RABL6: variants seen among roughly 807,000 people sequenced by gnomAD.
The protein encoded by RABL6 is rab-like protein 6.
RABL6 carries 28 observed loss-of-function variants against 72.9 expected under a neutral mutation model. The ratio of observed to expected loss-of-function variants is 0.38; its 90% CI spans 0.28 to 0.53. RABL6 has a LOEUF of 0.53. RABL6 is among the 20% of genes least tolerant of loss of function. The pLI is 0.80. For synonymous variants in RABL6, 477 were observed against 421.2 expected (o/e 1.13, Z -1.62); for missense variants, 1,029 against 1,008.4 (o/e 1.02, Z -0.28).
chr9:136,833,919 C>G (rs757522707), intron 7 of RABL6: 7 of 1,550,096 alleles, frequency 4.5e-6, no homozygotes, highest in Non-Finnish European at 6.1e-6. Flanking sequence ...GTTGATTACT[C>G]CTTAGAGAGC....
chr9:136,821,106 A>G lies in RABL6; in HGVS notation c.131-2419A>G, dbSNP rs138142741. Among the ~76,000 whole-genome samples the G allele has an allele frequency of 2.6e-3, 393 of 152,340 alleles. 1 individual carries two copies. The highest frequency in any genetic ancestry group is 5.0e-3 in the Non-Finnish European group (339 of 68,030). Reference sequence around the variant, plus strand: ...ATGAGGGCTGGTTTCCGGCAGTGGCATTGGGAGGCTTTGTTAACATTGGTT... The same window carrying G: ...ATGAGGGCTGGTTTCCGGCAGTGGCGTTGGGAGGCTTTGTTAACATTGGTT... On this transcript the variant is annotated intron_variant, in intron 1 of 14. Transcript: ENST00000311502.
intron 1 of RABL6, chr9:136,821,810 G>C (rs1026211527): frequency 1.7e-6 from 2 of 1,181,234 alleles, no homozygotes; most frequent in African/African-American, 3.4e-5. Flanking sequence ...GAGAGGGAGG[G>C]GAACGAGGGC....
At position 136,808,269 on chromosome 9, in the gene RABL6, C is replaced by T. The variant is rs769382408; in HGVS notation, c.73C>T (p.Leu25=). 151 of 1,566,710 alleles carry T rather than the reference C, an allele frequency of 9.6e-5. 1 individual carries two copies. Among genetic ancestry groups the T allele is most frequent in the Non-Finnish European group, 1.2e-4 (144 of 1,157,712 alleles). ...PGRDKNIPAG[L]QSMNQALQRR... ...CCGGGACAAGAACATCCCCGCCGGGCTGCAGTCCATGAACCAGGCGTTGCA... is the reference window on the plus strand; with the variant it reads ...CCGGGACAAGAACATCCCCGCCGGGTTGCAGTCCATGAACCAGGCGTTGCA... Residue 25 remains leucine, a synonymous_variant, in exon 1 of 15, where the codon CTG becomes TTG. Coordinates refer to ENST00000311502, the MANE Select transcript of RABL6 (RefSeq NM_024718.5).
rs375714213 is a variant in RABL6, at chr9:136,831,870, G to A, written c.599+9G>A. The A allele has an allele frequency of 3.9e-5, 63 of 1,604,122 alleles. No homozygotes were observed. Among genetic ancestry groups the A allele is most frequent in the African/African-American group, 1.7e-4 (13 of 74,790 alleles). ...ATCGACAACCTGGACAGGTGGGTGC[G>A]GTGGCCCTGCTCCCGAGGGACCCTG... On this transcript the variant is annotated intron_variant, in intron 6 of 14. Coordinates refer to ENST00000311502, the MANE Select transcript of RABL6 (RefSeq NM_024718.5).
chr9:136,834,733 C>T (rs1231898257), intron 7 of RABL6, among the ~76,000 whole-genome samples: 2 of 152,062 alleles, frequency 1.3e-5, no homozygotes, highest in Admixed American at 6.5e-5. Context: ...CGCCTTGGCC[C>T]CCCCAAAGTG....
At chr9:136,835,678 G>A (rs1317771131) in intron 7 of RABL6, 64 bp from the exon 8 acceptor site, 33 of 1,445,428 alleles carry the variant, frequency 2.3e-5, no homozygotes, top group Non-Finnish European at 2.9e-5. Context: ...TTCAGGGGCT[G>A]TGGGGCTGGG....
intron 1 of RABL6, among the ~76,000 whole-genome samples, chr9:136,817,121 T>G (rs1187605556): frequency 6.6e-6 from 1 of 152,112 alleles, no homozygotes; most frequent in Non-Finnish European, 1.5e-5. Flanking sequence ...AACATAGTCA[T>G]TAACGTTAAA....
At position 136,831,845 on chromosome 9, in the gene RABL6, A is replaced by G. The variant is rs1848482234; in HGVS notation, c.583A>G (p.Ile195Val). Residue 195 changes from isoleucine to valine, a missense_variant, in exon 6 of 15, where the codon ATC becomes GTC. By Grantham distance (29) the Ile-to-Val change is conservative. Coordinates refer to ENST00000311502, the MANE Select transcript of RABL6 (RefSeq NM_024718.5). Reference sequence around the variant, plus strand: ...CCTGCCGGACGACGTGCGTGACTTCATCGACAACCTGGACAGGTGGGTGCG... The same window carrying G: ...CCTGCCGGACGACGTGCGTGACTTCGTCGACAACCTGGACAGGTGGGTGCG... ...VILPDDVRDF[I>V]DNLDRPPGSS... The G allele has an allele frequency of 1.9e-6, 3 of 1,612,054 alleles. No individual in the cohort carries two copies. Among genetic ancestry groups the G allele is most frequent in the Non-Finnish European group, 2.5e-6 (3 of 1,179,184 alleles).
intron 1 of RABL6, chr9:136,822,057 G>C: frequency 2.3e-6 from 3 of 1,289,596 alleles, no homozygotes; most frequent in Non-Finnish European, 3.0e-6. Flanking sequence ...GTGGGAACAG[G>C]TGCCTTGAGG....
intron 5 of RABL6, chr9:136,830,947 C>G (rs556997217): frequency 6.5e-6 from 1 of 154,744 alleles, no homozygotes; most frequent in South Asian, 2.0e-4. Context: ...TTCACAGCCA[C>G]GAGAGGCAGG....
In RABL6 at chr9:136,837,966, A is replaced by C; in HGVS notation, c.1231A>C (p.Arg411=). The change falls in exon 10 of 15, where the codon AGG becomes CGG. Residue 411 remains arginine (R), a synonymous_variant. Coordinates refer to ENST00000311502, the MANE Select transcript of RABL6 (RefSeq NM_024718.5). ...CTTCCTGGAAGACACAACCCCCGCC[A>C]GGGACGAGAAGAAGGTGGGGGCCAA... ...RSFLEDTTPA[R]DEKKVGAKAA... 1.9e-6 allele frequency: 3 copies of C among 1,568,884 alleles called. No individual in the cohort carries two copies. The highest frequency in any genetic ancestry group is 2.6e-6 in the Non-Finnish European group (3 of 1,157,808).
In RABL6 at chr9:136,839,221, G is replaced by A. The variant is rs753546599; in HGVS notation, c.1494-1G>A. ...GACTGACCCTCTGCTTGTCCACAAA[G>A]GTCCTCCATACCAGCTTCGAAGCCA... On this transcript the variant is annotated splice_acceptor_variant, in intron 11 of 14. Coordinates refer to ENST00000311502, the MANE Select transcript of RABL6 (RefSeq NM_024718.5). LOFTEE classifies it high-confidence loss of function. 1 of 1,597,082 alleles carries A rather than the reference G, an allele frequency of 6.3e-7. No individual in the cohort carries two copies. Among genetic ancestry groups the A allele is most frequent in the South Asian group, 1.1e-5 (1 of 89,522 alleles).
At chr9:136,822,176 T>G in intron 1 of RABL6, 1 of 1,057,504 alleles carries the variant, frequency 9.5e-7, no homozygotes, top group South Asian at 1.6e-5. Flanking sequence ...GAGCTTGGGG[T>G]CCCCCTGACA....
At position 136,840,430 on chromosome 9, in the gene RABL6, G is replaced by C. The variant is rs963990628; in HGVS notation, c.2098G>C (p.Glu700Gln). ...RRQQRPPRSR[E>Q]RTAADELEAF... ...GCAGCAGCGGCCCCCGCGCAGCAGG[G>C]AGAGGACGGCTGCCGATGAGCTGGA... Residue 700 changes from glutamate (E) to glutamine (Q), a missense_variant, in exon 15 of 15, where the codon GAG (glutamate) becomes CAG (glutamine). Around this residue, in one of 2 missense-constraint regions of RABL6, gnomAD observed 595 missense variants for 472.4 expected, o/e 1.26. Transcript: ENST00000311502. The C allele has an allele frequency of 1.5e-5, 23 of 1,549,142 alleles. No individual in the cohort carries two copies. Among genetic ancestry groups the C allele is most frequent in the Non-Finnish European group, 1.9e-5 (22 of 1,146,622 alleles).
chr9:136,811,943 A>G (rs1005869205), intron 1 of RABL6, among the ~76,000 whole-genome samples: 5 of 152,226 alleles, frequency 3.3e-5, no homozygotes, highest in African/African-American at 1.2e-4. Context: ...TGAAATTTGG[A>G]TGGCCCTGGC....
At chr9:136,835,496 C>T in intron 7 of RABL6, 1 of 467,878 alleles carries the variant, frequency 2.1e-6, no homozygotes, top group Non-Finnish European at 3.8e-6. Context: ...CTGTGACTGA[C>T]AGCTGTCCCC....
rs111320634 is a variant in RABL6, at chr9:136,825,688, C to T, written c.266-91C>T. 4,082 of 1,395,742 alleles carry T rather than the reference C, an allele frequency of 2.9e-3. 108 individuals carry two copies. The African/African-American group carries it at 0.052, about 18-fold the overall frequency. The allele number at this position is 1,395,742 out of a possible 1,614,324, so 86.5% of individuals were successfully genotyped here. ...AAGTCCTGGTGGGAGCCGGTGGCTG[C>T]GGGGCACAGACAACCACACCAGCTG... On this transcript the variant is annotated intron_variant, in intron 2 of 14. Coordinates refer to ENST00000311502, the MANE Select transcript of RABL6 (RefSeq NM_024718.5).
chr9:136,821,799 G>A, intron 1 of RABL6: 1 of 1,177,960 alleles, frequency 8.5e-7, no homozygotes, highest in Non-Finnish European at 1.1e-6. Flanking sequence ...GTTCTCCGCG[G>A]GAGAGGGAGG....
In RABL6 at chr9:136,813,275, T is replaced by C. The variant is rs145076935; in HGVS notation, c.130+4949T>C. ...TTTATCATCTTCAAATGAAGCGAAC[T>C]GTAAGTGCATGCACACCCTTTAGAT... On this transcript the variant is annotated intron_variant, in intron 1 of 14. Transcript: ENST00000311502. The C allele has an allele frequency of 3.2e-3, 1,890 of 583,886 alleles. 32 individuals carry two copies. The highest frequency in any genetic ancestry group is 0.032 in the African/African-American group (1,685 of 53,344). The allele number at this position is 583,886 out of a possible 1,614,324, so 36.2% of individuals were successfully genotyped here. A position where few individuals can be genotyped will look rare whatever the true frequency, so the allele number is the denominator to read the frequency against.
Sources: allele counts gnomAD v4.1 joint callset (sites outside exome capture counted in the v4.1 genomes callset), GRCh38; gene constraint gnomAD v4.1.1; regional missense constraint gnomAD v4.1.1; transcripts MANE v1.5; gene names NCBI Gene and HGNC (gene_info 2026-07-23, HGNC 2026-07-21).